Variants in CTNNA3 observed in about 807,000 individuals in gnomAD.
CTNNA3 encodes the protein catenin alpha 3.
Under a neutral mutation model 95.7 loss-of-function variants are expected in CTNNA3, and 76 were observed. The observed-to-expected ratio is 0.79, with a 90% CI of 0.66 to 0.96. The LOEUF (loss-of-function observed/expected upper bound fraction) is 0.96. Among genes scored for constraint, CTNNA3 ranks in the 40% least tolerant of loss-of-function variants. CTNNA3 has a pLI of 0.00. For missense variants in CTNNA3, 1,191 were observed against 1,089.8 expected, an observed-to-expected ratio of 1.09 and a Z score of -1.31; for synonymous variants, 431 against 374.4, an observed-to-expected ratio of 1.15 and a Z score of -1.74.
At chr10:66,698,747 C>G (rs1203781899) in intron 9 of CTNNA3, among the ~76,000 whole-genome samples, 1 of 152,084 alleles carries the variant, frequency 6.6e-6, no homozygotes, top group Non-Finnish European at 1.5e-5. Context: ...ACGTGGGGGA[C>G]AGCAACTTAG....
intron 5 of CTNNA3, among the ~76,000 whole-genome samples, chr10:67,420,595 C>T (rs1845712447): frequency 6.6e-6 from 1 of 152,124 alleles, no homozygotes; most frequent in African/African-American, 2.4e-5. Flanking sequence ...TACGGTGTTT[C>T]CTGGCACATA....
At chr10:67,005,516 T>C (rs1851915829) in intron 7 of CTNNA3, among the ~76,000 whole-genome samples, 1 of 151,926 alleles carries the variant, frequency 6.6e-6, no homozygotes, top group Non-Finnish European at 1.5e-5. Flanking sequence ...TGTAGACTAG[T>C]GACTTCCCAG....
rs77309557 is a variant in CTNNA3 at position 67,406,246 on chromosome 10, C to G, written c.579+115596G>C. ...CTCTTTTCTCTACAAATTACCCAGCCTGGGGTATTTCATCATAGCAGCATG... is the reference window on the plus strand; with the variant it reads ...CTCTTTTCTCTACAAATTACCCAGCGTGGGGTATTTCATCATAGCAGCATG... On this transcript the variant is annotated intron_variant, in intron 5 of 17. Transcript: ENST00000433211. Among the ~76,000 whole-genome samples, 770 of 152,274 alleles carry G rather than the reference C, an allele frequency of 5.1e-3. 12 individuals are homozygous for G. Among genetic ancestry groups the G allele is most frequent in the African/African-American group, 0.018 (739 of 41,556 alleles).
chr10:67,042,785 C>A (rs1854484621), intron 7 of CTNNA3, among the ~76,000 whole-genome samples: 1 of 152,002 alleles, frequency 6.6e-6, no homozygotes. Context: ...ACAAAGAAGT[C>A]CATGGTGTCA....
intron 9 of CTNNA3, among the ~76,000 whole-genome samples, chr10:66,732,285 C>A (rs1848986884): frequency 6.6e-6 from 1 of 151,348 alleles, no homozygotes; most frequent in African/African-American, 2.5e-5. Context: ...AAATCTAGAC[C>A]TCTCTCTCTC....
intron 11 of CTNNA3, among the ~76,000 whole-genome samples, chr10:66,440,529 C>T (rs1159837703): frequency 6.6e-6 from 1 of 152,036 alleles, no homozygotes; most frequent in Non-Finnish European, 1.5e-5. Flanking sequence ...GTCAAATTTT[C>T]CTTAGGGCCT....
intron 7 of CTNNA3, among the ~76,000 whole-genome samples, chr10:67,056,765 C>G (rs1025588554): frequency 1.3e-5 from 2 of 152,142 alleles, no homozygotes; most frequent in Admixed American, 6.5e-5. Context: ...CTTTATATGA[C>G]AACTATGATA....
In CTNNA3 at chr10:66,362,096, ATTT is replaced by A. The variant is rs569047811; in HGVS notation, c.1732+17053_1732+17055del. Among the ~76,000 whole-genome samples the A allele has an allele frequency of 7.0e-3, 574 of 81,752 alleles. 1 individual carries two copies. Among genetic ancestry groups the A allele is most frequent in the African/African-American group, 0.023 (502 of 22,178 alleles). 53.6% of individuals were successfully genotyped at this position (81,752 alleles called of 152,430 possible). On this transcript the variant is annotated intron_variant, in intron 12 of 17. Coordinates refer to ENST00000433211, the MANE Select transcript of CTNNA3 (RefSeq NM_013266.4). ...CAAATATCACAGAGGTTCATACACA[ATTT>A]TTTTTTTTTTTTTTTTTTTTTTGAG...
At chr10:66,370,295 T>C (rs2092744466) in intron 12 of CTNNA3, among the ~76,000 whole-genome samples, 1 of 152,186 alleles carries the variant, frequency 6.6e-6, no homozygotes, top group Non-Finnish European at 1.5e-5. Flanking sequence ...TCTTTGCAGC[T>C]ACAGGCTATT....
At chr10:66,158,663 T>G (rs12413787) in intron 13 of CTNNA3, among the ~76,000 whole-genome samples, 1,751 of 152,118 alleles carry the variant, frequency 0.012, 67 homozygotes, top group East Asian at 0.081. Context: ...ATTTTAGAAT[T>G]GTTTTTTCTA....
chr10:66,502,966 T>C (rs544271471), intron 11 of CTNNA3, among the ~76,000 whole-genome samples: 19 of 152,266 alleles, frequency 1.2e-4, no homozygotes, highest in African/African-American at 4.6e-4. Flanking sequence ...TTTTAATATC[T>C]GATAGTCATG....
intron 7 of CTNNA3, chr10:66,837,312 A>G (rs1030341543): frequency 5.3e-5 from 8 of 152,118 alleles, no homozygotes; most frequent in Admixed American, 5.2e-4. Context: ...ATACTAATTA[A>G]AGTAGTTACT....
intron 7 of CTNNA3, among the ~76,000 whole-genome samples, chr10:66,778,436 A>T (rs543685745): frequency 6.6e-6 from 1 of 152,322 alleles, no homozygotes; most frequent in South Asian, 2.1e-4. Context: ...GCAGGATATT[A>T]AAACACAACT....
At chr10:66,347,580 C>T (rs1007901664) in intron 12 of CTNNA3, among the ~76,000 whole-genome samples, 3 of 151,790 alleles carry the variant, frequency 2.0e-5, no homozygotes, top group Non-Finnish European at 4.4e-5. Context: ...TGCCACTGTA[C>T]TCTTGCCTGA....
chr10:67,706,267 C>T (rs890249581), intron 1 of CTNNA3, among the ~76,000 whole-genome samples: 11 of 151,964 alleles, frequency 7.2e-5, no homozygotes, highest in African/African-American at 2.7e-4. Flanking sequence ...GAGAGTTGGG[C>T]TCTGGAGCTT....
At chr10:66,264,674 A>T (rs2091102205) in intron 13 of CTNNA3, among the ~76,000 whole-genome samples, 1 of 151,954 alleles carries the variant, frequency 6.6e-6, no homozygotes, top group Non-Finnish European at 1.5e-5. Context: ...GTGCTTGATA[A>T]GTCACATGTA....
chr10:66,281,733 TGGC>T (rs963066425), intron 12 of CTNNA3, among the ~76,000 whole-genome samples: 1 of 151,912 alleles, frequency 6.6e-6, no homozygotes, highest in Non-Finnish European at 1.5e-5. Flanking sequence ...TCTGCTTGTA[TGGC>T]ATACCATCTC....
At chr10:67,352,798 A>G (rs952777261) in intron 5 of CTNNA3, among the ~76,000 whole-genome samples, 2 of 152,030 alleles carry the variant, frequency 1.3e-5, no homozygotes, top group African/African-American at 2.4e-5. Flanking sequence ...TACTAGCCCT[A>G]ACAGAGAAGA....
intron 5 of CTNNA3, among the ~76,000 whole-genome samples, chr10:67,451,179 T>C (rs568050908): frequency 1.3e-5 from 2 of 152,118 alleles, no homozygotes; most frequent in Admixed American, 6.6e-5. Context: ...CACCCTTCCA[T>C]GCTTCTGCCT....
Sources: allele counts gnomAD v4.1 joint callset (sites outside exome capture counted in the v4.1 genomes callset), GRCh38; gene constraint gnomAD v4.1.1; transcripts MANE v1.5; gene names NCBI Gene and HGNC (gene_info 2026-07-23, HGNC 2026-07-21).